DTL: variants seen among roughly 807,000 people sequenced by gnomAD.
DTL encodes denticleless protein homolog.
In DTL, 46 loss-of-function variants were observed where a neutral mutation model predicts 87.0. The ratio of observed to expected loss-of-function variants is 0.53; its 90% confidence interval spans 0.42 to 0.68. The LOEUF is 0.68. Among genes scored for constraint, DTL ranks in the 30% least tolerant of loss-of-function variants. The probability of loss-of-function intolerance (pLI) is 0.00; values close to 1 mark genes in which losing one functional copy is unlikely to be tolerated. For missense variants in DTL, 737 were observed against 869.4 expected, an observed-to-expected ratio of 0.85 and a Z score of 1.91; for synonymous variants, 308 against 311.2, an observed-to-expected ratio of 0.99 and a Z score of 0.11.
chr1:212,100,358 A>G lies in DTL; in HGVS notation c.1368A>G (p.Gly456=), dbSNP rs1553260620. 3 of 1,613,918 alleles carry G rather than the reference A, an allele frequency of 1.9e-6. No homozygotes were observed. The highest frequency in any genetic ancestry group is 2.2e-5 in the South Asian group (2 of 91,068). The change falls in exon 14 of 15, where the codon GGA becomes GGG. Residue 456 remains glycine, a synonymous_variant. Coordinates refer to ENST00000366991, the MANE Select transcript of DTL (RefSeq NM_016448.4). ...SSAACAPSCA[G]DLPLPSNTPT... ...CAGCTTGTGCCCCAAGCTGTGCTGG[A>G]GACCTCCCTCTTCCTTCAAATACTC...
intron 5 of DTL, among the ~76,000 whole-genome samples, chr1:212,054,228 C>T (rs1227196378): frequency 6.6e-6 from 1 of 152,056 alleles, no homozygotes; most frequent in Non-Finnish European, 1.5e-5. Context: ...TCATGGGTTC[C>T]CTTTCTCTAG....
At chr1:212,066,762 A>G in intron 7 of DTL, 50 bp from the exon 8 acceptor site, 2 of 1,567,746 alleles carry the variant, frequency 1.3e-6, no homozygotes, top group East Asian at 2.2e-5. Context: ...CCTTGATGGT[A>G]AAGATTATGA....
intron 8 of DTL, among the ~76,000 whole-genome samples, chr1:212,067,566 A>G (rs1465598126): frequency 6.6e-6 from 1 of 152,184 alleles, no homozygotes; most frequent in Non-Finnish European, 1.5e-5. Flanking sequence ...TAGGATTTCC[A>G]TTGTGTCCTC....
intron 11 of DTL, among the ~76,000 whole-genome samples, chr1:212,076,357 A>G (rs1294974200): frequency 6.6e-6 from 1 of 152,178 alleles, no homozygotes; most frequent in Non-Finnish European, 1.5e-5. Context: ...ATACCTTGTT[A>G]ACGTATTCCA....
intron 5 of DTL, 139 bp from the exon 6 acceptor site, chr1:212,062,745 A>G (rs921987799): frequency 8.1e-6 from 5 of 615,706 alleles, no homozygotes; most frequent in African/African-American, 7.4e-5. Context: ...TTATTGAGCC[A>G]TATATTTTTA....
chr1:212,066,979 C>A, intron 8 of DTL, 94 bp downstream of exon 8: 2 of 1,060,514 alleles, frequency 1.9e-6, no homozygotes, highest in South Asian at 1.4e-5. Context: ...AATGTGTGTG[C>A]TTTCAACTGT....
At position 212,066,708 on chromosome 1, in the gene DTL, C is replaced by T. The variant is rs370198614; in HGVS notation, c.640-104C>T. 2,544 of 832,916 alleles carry T rather than the reference C, an allele frequency of 3.1e-3. 67 individuals are homozygous for T. In the South Asian group the frequency reaches 0.038, roughly 12 times the overall value. The allele number at this position is 832,916 out of a possible 1,614,324, so 51.6% of individuals were successfully genotyped here. A position where few individuals can be genotyped will look rare whatever the true frequency, so the allele number is the denominator to read the frequency against. On this transcript the variant is annotated intron_variant, in intron 7 of 14. Coordinates refer to ENST00000366991, the MANE Select transcript of DTL (RefSeq NM_016448.4). The stretch of plus-strand genomic sequence containing the variant: ...TCGAGATCATTAGACAAGACTTCAT[C>T]TAAGTCAGTCTGGGGAGAAAAGTCG...
chr1:212,059,071 T>C (rs1668260516), intron 5 of DTL, among the ~76,000 whole-genome samples: 1 of 152,128 alleles, frequency 6.6e-6, no homozygotes, highest in East Asian at 1.9e-4. Context: ...CAGGACCAGA[T>C]GGCTTCACTG....
At chr1:212,063,027 CA>C in intron 6 of DTL, 78 bp downstream of exon 6, 1 of 1,084,378 alleles carries the variant, frequency 9.2e-7, no homozygotes, top group South Asian at 1.3e-5. Context: ...TTAGTGATTT[CA>C]TCTGATTACC....
intron 10 of DTL, among the ~76,000 whole-genome samples, chr1:212,069,555 T>TC (rs1321797063): frequency 6.6e-6 from 1 of 151,868 alleles, no homozygotes; most frequent in African/African-American, 2.4e-5. Context: ...TAAATTTTTT[T>TC]TTTTTTTTGA....
chr1:212,078,332 T>C, intron 12 of DTL, 70 bp downstream of exon 12: 1 of 976,126 alleles, frequency 1.0e-6, no homozygotes, highest in Non-Finnish European at 1.6e-6. Flanking sequence ...CTAAGGTTTG[T>C]TTTGAGAATG....
At chr1:212,091,727 TAA>T (rs1655287766) in intron 13 of DTL, among the ~76,000 whole-genome samples, 1 of 152,204 alleles carries the variant, frequency 6.6e-6, no homozygotes, top group Non-Finnish European at 1.5e-5. Context: ...TGTGGAATCT[TAA>T]AAAGTTGAAC....
rs138148758 is a variant in DTL, at chr1:212,060,208, G to A, written c.461-2676G>A. ...ATGTGGAGCCAAAAAGAACCCAAAT[G>A]CCAAAGCAATCCTAAGCAAAAAGAA... On this transcript the variant is annotated intron_variant, in intron 5 of 14. Coordinates refer to ENST00000366991, the MANE Select transcript of DTL (RefSeq NM_016448.4). Among the ~76,000 whole-genome samples, 23 of 152,168 alleles carry A rather than the reference G, an allele frequency of 1.5e-4. No homozygotes were observed. The East Asian group carries it at 3.9e-3, about 26-fold the overall frequency.
rs1654569198 is a variant in DTL, at chr1:212,068,311, C to T, written c.801C>T (p.Ser267=). The part of the protein sequence containing the change: ...IASKSFLYPG[S]STRKLGYSSL... Reference sequence around the variant, plus strand: ...CCAAGTCTTTCCTGTACCCAGGTAGCAGCACTCGAAAACTTGGTAAGCCTT... The same window carrying T: ...CCAAGTCTTTCCTGTACCCAGGTAGTAGCACTCGAAAACTTGGTAAGCCTT... Residue 267 remains serine (S), a synonymous_variant, in exon 9 of 15, where the codon AGC becomes AGT. Coordinates refer to ENST00000366991, the MANE Select transcript of DTL (RefSeq NM_016448.4). The T allele has an allele frequency of 1.2e-6, 2 of 1,606,778 alleles. No homozygotes were observed. The highest frequency in any genetic ancestry group is 1.7e-6 in the Non-Finnish European group (2 of 1,177,842).
intron 11 of DTL, among the ~76,000 whole-genome samples, chr1:212,073,710 G>A (rs1654744742): frequency 6.6e-6 from 1 of 151,920 alleles, no homozygotes; most frequent in African/African-American, 2.4e-5. Context: ...TCTATGTTGG[G>A]CCTGCCTTTT....
At chr1:212,091,058 T>TA (rs1211782726) in intron 13 of DTL, among the ~76,000 whole-genome samples, 1 of 152,198 alleles carries the variant, frequency 6.6e-6, no homozygotes, top group Non-Finnish European at 1.5e-5. Flanking sequence ...TTGTAGCTAT[T>TA]AAAAATGATA....
At chr1:212,060,729 A>T (rs1272612982) in intron 5 of DTL, among the ~76,000 whole-genome samples, 1 of 143,852 alleles carries the variant, frequency 7.0e-6, no homozygotes, top group Non-Finnish European at 1.5e-5. Context: ...AGTGAGACTC[A>T]GTCTCAAAAA....
intron 1 of DTL, among the ~76,000 whole-genome samples, 167 bp from the exon 2 acceptor site, chr1:212,042,826 A>G (rs1667695524): frequency 6.6e-6 from 1 of 152,022 alleles, no homozygotes; most frequent in African/African-American, 2.4e-5. Flanking sequence ...TTTCCTTAGG[A>G]CTCCTTAATG....
At chr1:212,058,495 A>T (rs757637295) in intron 5 of DTL, among the ~76,000 whole-genome samples, 12 of 152,152 alleles carry the variant, frequency 7.9e-5, no homozygotes, top group Non-Finnish European at 1.3e-4. Flanking sequence ...CAATTCTTGA[A>T]ACAAATGAAA....
Sources: allele counts gnomAD v4.1 joint callset (sites outside exome capture counted in the v4.1 genomes callset), GRCh38; gene constraint gnomAD v4.1.1; transcripts MANE v1.5; gene names NCBI Gene and HGNC (gene_info 2026-07-23, HGNC 2026-07-21).